The following L3HYPDH variants were observed in gnomAD, a reference collection of about 807,000 sequenced individuals.
The protein encoded by L3HYPDH is trans-3-hydroxy-L-proline dehydratase.
In L3HYPDH, 32 loss-of-function variants were observed where a neutral mutation model predicts 26.5. The observed-to-expected ratio is 1.21, with a 90% CI of 0.91 to 1.62. The LOEUF is 1.62. Among genes scored for constraint, L3HYPDH ranks in the 40% most tolerant of loss-of-function variants. The probability of loss-of-function intolerance (pLI) is 0.00; values close to 1 mark genes in which losing one functional copy is unlikely to be tolerated. For synonymous variants in L3HYPDH, 215 were observed against 196.6 expected, an observed-to-expected ratio of 1.09 and a Z score of -0.78; for missense variants, 554 against 476.4, an observed-to-expected ratio of 1.16 and a Z score of -1.52.
At chr14:59,496,895 T>A in the L3HYPDH span, among the ~76,000 whole-genome samples, 3 of 152,228 alleles carry the variant, frequency 2.0e-5, no homozygotes, top group African/African-American at 7.2e-5. Context: ...AGCATTGGGT[T>A]TAGGCATATT....
At chr14:59,486,495 A>G (rs1890584218), upstream of L3HYPDH, among the ~76,000 whole-genome samples, 1 of 152,262 alleles carries the variant, frequency 6.6e-6, no homozygotes, top group Non-Finnish European at 1.5e-5. Context: ...GACCTTAATC[A>G]TAAGGCACGG....
intron 1 of L3HYPDH, among the ~76,000 whole-genome samples, chr14:59,466,492 A>G (rs1225552118): frequency 1.3e-5 from 2 of 152,192 alleles, no homozygotes; most frequent in Admixed American, 6.5e-5. Flanking sequence ...AATACAAATT[A>G]TCAGGCCTAC....
downstream of L3HYPDH, among the ~76,000 whole-genome samples, chr14:59,470,469 A>G (rs1338777513): frequency 1.3e-5 from 2 of 152,220 alleles, no homozygotes; most frequent in East Asian, 3.9e-4. Context: ...GACTTGGAGC[A>G]AAGTGCATTG....
chr14:59,473,115 C>T, intron 4 of L3HYPDH, 25 bp from the exon 5 acceptor site: 1 of 1,567,584 alleles, frequency 6.4e-7, no homozygotes, highest in Non-Finnish European at 8.6e-7. Context: ...AGGGAGTATA[C>T]TATCAAAATA....
At chr14:59,487,977 A>T, upstream of L3HYPDH, 1 of 767,828 alleles carries the variant, frequency 1.3e-6, no homozygotes, top group South Asian at 1.8e-5. Context: ...CTGTGACAAG[A>T]AAACTTAACA....
chr14:59,489,431 TC>T, the L3HYPDH span, among the ~76,000 whole-genome samples: 1 of 152,232 alleles, frequency 6.6e-6, no homozygotes, highest in Non-Finnish European at 1.5e-5. Flanking sequence ...CCTGATAACT[TC>T]CTTAATTCCA....
chr14:59,483,453 T>C (rs768909336), intron 1 of L3HYPDH: 64 of 1,124,650 alleles, frequency 5.7e-5, no homozygotes, highest in African/African-American at 6.6e-5. Context: ...CCCTGGTACA[T>C]TGGCTGTTCT....
At chr14:59,488,236 T>C (rs944282036), upstream of L3HYPDH, among the ~76,000 whole-genome samples, 1 of 152,032 alleles carries the variant, frequency 6.6e-6, no homozygotes. Flanking sequence ...TATTAACATA[T>C]TAAATCAGCA....
At position 59,473,060 on chromosome 14, in the gene L3HYPDH, T is replaced by C; in HGVS notation, c.970A>G (p.Ile324Val). 1 of 1,601,566 alleles carries C rather than the reference T, an allele frequency of 6.2e-7. No homozygotes were observed. Among genetic ancestry groups the C allele is most frequent in the Non-Finnish European group, 8.5e-7 (1 of 1,175,856 alleles). The stretch of plus-strand genomic sequence containing the variant: ...TGGGCTTGTCCTGATACTTCCACTA[T>C]AACAGCTTTAAAATCACCACATTTC... Reference protein sequence around the residue: ...EAKCGDFKAVIVEVSGQAHYT... With the variant: ...EAKCGDFKAVVVEVSGQAHYT... The change falls in exon 5 of 5, where the codon ATA (isoleucine) becomes GTA (valine). Residue 324 changes from isoleucine to valine, a missense_variant. Transcript: ENST00000247194.
At chr14:59,480,199 G>T (rs1222330604) in intron 1 of L3HYPDH, among the ~76,000 whole-genome samples, 1 of 152,178 alleles carries the variant, frequency 6.6e-6, no homozygotes, top group Non-Finnish European at 1.5e-5. Context: ...ACATCTGTTG[G>T]CAAAGGAGTG....
At chr14:59,473,429 T>G (rs1489513343) in intron 4 of L3HYPDH, among the ~76,000 whole-genome samples, 1 of 152,036 alleles carries the variant, frequency 6.6e-6, no homozygotes, top group Non-Finnish European at 1.5e-5. Context: ...AGTTTGGAGG[T>G]AGAACTGATA....
At chr14:59,499,282 T>C in the L3HYPDH span, among the ~76,000 whole-genome samples, 3 of 152,134 alleles carry the variant, frequency 2.0e-5, no homozygotes, top group South Asian at 6.2e-4. Context: ...CACCTCTCTT[T>C]GCATTTGAAG....
chr14:59,484,347 C>G lies in L3HYPDH; in HGVS notation c.-31G>C. The G allele has an allele frequency of 6.4e-7, 1 of 1,554,152 alleles. No homozygotes were observed. The highest frequency in any genetic ancestry group is 8.7e-7 in the Non-Finnish European group (1 of 1,155,030). On this transcript the variant is annotated 5_prime_UTR_variant, in exon 1 of 5. Transcript: ENST00000247194. ...GCGTCGGGGGAGACGAGTACGGTCC[C>G]GCAGCTATGGCTTCAAGCCCGACCC... is the stretch of plus-strand genomic sequence containing the variant.
At chr14:59,498,817 A>T in the L3HYPDH span, 1 of 1,611,130 alleles carries the variant, frequency 6.2e-7, no homozygotes, top group South Asian at 1.1e-5. Context: ...CATGTGGGTT[A>T]GGGAAATCTG....
chr14:59,478,515 T>A (rs887489436), intron 2 of L3HYPDH, among the ~76,000 whole-genome samples: 3 of 152,158 alleles, frequency 2.0e-5, no homozygotes, highest in Non-Finnish European at 4.4e-5. Flanking sequence ...AGCCTGGGAA[T>A]TTGAAGTTAC....
chr14:59,495,743 C>A, the L3HYPDH span, among the ~76,000 whole-genome samples: 1 of 152,058 alleles, frequency 6.6e-6, no homozygotes, highest in Admixed American at 6.6e-5. Context: ...TATTTATATT[C>A]TCATAATTGT....
rs1294452117 is a variant in L3HYPDH at position 59,476,117 on chromosome 14, T to G, written c.776A>C (p.Asn259Thr). The stretch of plus-strand genomic sequence containing the variant: ...CTGTTCATCTGCAAAAACACAAATG[T>G]TGGTGGTTGGTTCCTTGGTATAAGC... ...KDAYTKEPTT[N>T]ICVFADEQVD... Residue 259 changes from asparagine to threonine, a missense_variant, in exon 3 of 5, where the codon AAC (asparagine) becomes ACC (threonine). Physicochemically the swap from Asn to Thr is moderately conservative, Grantham distance 65. Coordinates refer to ENST00000247194, the MANE Select transcript of L3HYPDH (RefSeq NM_144581.2). 6 of 1,614,014 alleles carry G rather than the reference T, an allele frequency of 3.7e-6. No individual in the cohort carries two copies. The highest frequency in any genetic ancestry group is 2.2e-5 in the East Asian group (1 of 44,882).
At chr14:59,502,755 T>TGTTTTG in the L3HYPDH span, among the ~76,000 whole-genome samples, 3 of 122,918 alleles carry the variant, frequency 2.4e-5, no homozygotes, top group African/African-American at 9.1e-5. Context: ...ATGAGATTTT[T>TGTTTTG]TTTTTTTTTT....
At chr14:59,500,147 T>C in the L3HYPDH span, among the ~76,000 whole-genome samples, 1 of 152,172 alleles carries the variant, frequency 6.6e-6, no homozygotes, top group Admixed American at 6.5e-5. Context: ...AGAGTTTTTG[T>C]TTTGTTTTGT....
Sources: allele counts gnomAD v4.1 joint callset (sites outside exome capture counted in the v4.1 genomes callset), GRCh38; gene constraint gnomAD v4.1.1; transcripts MANE v1.5; gene names NCBI Gene and HGNC (gene_info 2026-07-23, HGNC 2026-07-21).